The following ZNF282 variants were observed in gnomAD, a reference collection of about 807,000 sequenced individuals.
ZNF282 encodes HTLV-I U5 repressive element-binding protein 1.
In ZNF282, 30 loss-of-function variants were observed where a neutral mutation model predicts 61.9. That is an observed-to-expected ratio of 0.48 (90% CI 0.36 to 0.66). The LOEUF (loss-of-function observed/expected upper bound fraction) is 0.66. Ranked by LOEUF, ZNF282 falls within the 30% of genes least tolerant of loss-of-function variation. ZNF282 has a pLI of 0.00. For missense variants in ZNF282, 788 were observed against 941.4 expected (o/e 0.84, Z 2.13); for synonymous variants, 396 against 405.0 (o/e 0.98, Z 0.27).
chr7:149,196,083 T>A (rs1292702431), intron 1 of ZNF282, among the ~76,000 whole-genome samples: 1 of 152,068 alleles, frequency 6.6e-6, no homozygotes, highest in Non-Finnish European at 1.5e-5. Flanking sequence ...GAGCCCCGGC[T>A]TGGGGCTCCC....
At chr7:149,212,529 T>A in intron 6 of ZNF282, 58 bp downstream of exon 6, 2 of 1,294,094 alleles carry the variant, frequency 1.5e-6, no homozygotes, top group Non-Finnish European at 2.2e-6. Context: ...AAAGGAATCA[T>A]TAAATTAATA....
Position 149,225,428 on chromosome 7 carries a change from A to C in ZNF282, c.*781A>C, listed in dbSNP as rs1796353310. ...CCTGGGAGCCGGGAACAGATTGGCT[A>C]CGGAACGCCCCAGGTTGTACATTCA... On this transcript the variant is annotated 3_prime_UTR_variant, in exon 8 of 8. Coordinates refer to ENST00000610704, the MANE Select transcript of ZNF282 (RefSeq NM_003575.4). The C allele has an allele frequency of 6.6e-6, 1 of 152,198 alleles. No homozygotes were observed. The highest frequency in any genetic ancestry group is 2.4e-5 in the African/African-American group (1 of 41,432). 9.4% of individuals were successfully genotyped at this position (152,198 alleles called of 1,614,324 possible).
At chr7:149,197,081 C>T (rs1186829561) in intron 1 of ZNF282, among the ~76,000 whole-genome samples, 6 of 152,224 alleles carry the variant, frequency 3.9e-5, no homozygotes, top group Admixed American at 2.0e-4. Flanking sequence ...GACACCAGGT[C>T]CCAGATGACC....
At chr7:149,207,286 C>T in intron 3 of ZNF282, 65 bp from the exon 4 acceptor site, 1 of 1,540,220 alleles carries the variant, frequency 6.5e-7, no homozygotes, top group Admixed American at 1.9e-5. Context: ...AGAGTTCTCC[C>T]TTCCCCTTGC....
intron 2 of ZNF282, among the ~76,000 whole-genome samples, chr7:149,200,183 C>T (rs958645677): frequency 7.2e-5 from 11 of 152,308 alleles, no homozygotes; most frequent in South Asian, 4.1e-4. Flanking sequence ...CCACTGATTA[C>T]GTCCCCTGTG....
intron 1 of ZNF282, 22 bp downstream of exon 1, chr7:149,195,776 CAT>C: frequency 6.8e-7 from 1 of 1,474,468 alleles, no homozygotes; most frequent in Non-Finnish European, 9.0e-7. Context: ...CCGCCGGCGC[CAT>C]GGCCGCGCTG....
At position 149,212,461 on chromosome 7, in the gene ZNF282, T is replaced by A; in HGVS notation, c.1056T>A (p.Asp352Glu). 6.2e-7 allele frequency: 1 copy of A among 1,611,680 alleles called. No individual in the cohort carries two copies. Among genetic ancestry groups the A allele is most frequent in the Non-Finnish European group, 8.5e-7 (1 of 1,178,734 alleles). Reference sequence around the variant, plus strand: ...TGGCAGACAGAGATATTCCCACGGATCCCAATTCAGGTGAGAACAAGGTCA... The same window carrying A: ...TGGCAGACAGAGATATTCCCACGGAACCCAATTCAGGTGAGAACAAGGTCA... ...QDLADRDIPTDPNSESLISAH... is the reference protein window; with the variant it reads ...QDLADRDIPTEPNSESLISAH... The change falls in exon 6 of 8, where the codon GAT (aspartate) becomes GAA (glutamate). Residue 352 changes from aspartate to glutamate, a missense_variant. This residue lies in a region of ZNF282 where 559 missense variants were observed against 642.0 expected (regional missense o/e 0.87). Coordinates refer to ENST00000610704, the MANE Select transcript of ZNF282 (RefSeq NM_003575.4).
Position 149,224,114 on chromosome 7 carries a change from G to A in ZNF282, c.1483G>A (p.Gly495Ser), listed in dbSNP as rs764490886. 1.1e-4 allele frequency: 160 copies of A among 1,435,966 alleles called. No homozygotes were observed. In the African/African-American group the frequency reaches 2.1e-3, roughly 19 times the overall value. The allele number at this position is 1,435,966 out of a possible 1,614,324, so 89.0% of individuals were successfully genotyped here. ...GGAGGCGGGGACGGGGGCAGGCGGC[G>A]GCTGTGGCAGCTGCTGCCCTGGCGG... ...GAEAGTGAGG[G>S]CGSCCPGGLR... Residue 495 changes from glycine (G) to serine (S), a missense_variant, in exon 8 of 8, where the codon GGC (glycine) becomes AGC (serine). Gly to Ser is a moderately conservative substitution (Grantham distance 56). Around this residue, in one of 3 missense-constraint regions of ZNF282, gnomAD observed 559 missense variants for 642.0 expected, o/e 0.87. Coordinates refer to ENST00000610704, the MANE Select transcript of ZNF282 (RefSeq NM_003575.4).
intron 7 of ZNF282, among the ~76,000 whole-genome samples, chr7:149,214,668 C>T (rs1796135880): frequency 6.6e-6 from 1 of 151,932 alleles, no homozygotes. Flanking sequence ...ACAGGGTCTA[C>T]AAAAAAATTA....
intron 2 of ZNF282, among the ~76,000 whole-genome samples, chr7:149,205,306 C>T (rs1370049909): frequency 2.0e-5 from 3 of 152,020 alleles, no homozygotes; most frequent in Non-Finnish European, 2.9e-5. Flanking sequence ...GGCGTGGTGG[C>T]AAGCGCCTGT....
rs575403064 is a variant in ZNF282 at position 149,223,689 on chromosome 7, C to T, written c.1181-123C>T. 87 of 1,091,756 alleles carry T rather than the reference C, an allele frequency of 8.0e-5. No homozygotes were observed. The African/African-American group carries it at 1.2e-3, about 16-fold the overall frequency. The allele number at this position is 1,091,756 out of a possible 1,614,324, so 67.6% of individuals were successfully genotyped here. The stretch of plus-strand genomic sequence containing the variant: ...GTAGATCGTGGCCCAGCACCTTGTG[C>T]AATCCCTCGTAGTTAGTGGAACTGA... On this transcript the variant is annotated intron_variant, in intron 7 of 7. Transcript: ENST00000610704.
chr7:149,207,411 C>A lies in ZNF282; in HGVS notation c.773C>A (p.Pro258His), dbSNP rs889324522. ...APVQAEPREE[P>H]CVWEQRHPEE... is the part of the protein sequence containing the mutation. ...GTCCAGGCTGAGCCCAGGGAAGAACCTTGTGTGTGGGAGCAGCGCCACCCC... is the reference window on the plus strand; with the variant it reads ...GTCCAGGCTGAGCCCAGGGAAGAACATTGTGTGTGGGAGCAGCGCCACCCC... The change falls in exon 4 of 8, where the codon CCT becomes CAT. Residue 258 changes from proline to histidine, a missense_variant. Around this residue, in one of 3 missense-constraint regions of ZNF282, gnomAD observed 559 missense variants for 642.0 expected, o/e 0.87. Coordinates refer to ENST00000610704, the MANE Select transcript of ZNF282 (RefSeq NM_003575.4). 6 of 1,576,272 alleles carry A rather than the reference C, an allele frequency of 3.8e-6. 1 individual carries two copies. The Admixed American group carries it at 1.1e-4, about 29-fold the overall frequency.
chr7:149,221,818 G>A (rs772796546), intron 7 of ZNF282, among the ~76,000 whole-genome samples: 6 of 152,116 alleles, frequency 3.9e-5, no homozygotes, highest in Admixed American at 1.3e-4. Context: ...AAACACCAAC[G>A]AATATAGGAG....
intron 7 of ZNF282, among the ~76,000 whole-genome samples, chr7:149,221,437 CG>C (rs1230855258): frequency 2.0e-5 from 3 of 152,186 alleles, no homozygotes; most frequent in Non-Finnish European, 4.4e-5. Flanking sequence ...GGTTGGAAGA[CG>C]GTCAGAGTAG....
intron 2 of ZNF282, among the ~76,000 whole-genome samples, chr7:149,200,637 C>G (rs1795893707): frequency 6.6e-6 from 1 of 152,016 alleles, no homozygotes; most frequent in African/African-American, 2.4e-5. Context: ...GCTCTGTTGC[C>G]CAGACTGGAG....
chr7:149,224,950 C>A lies in ZNF282; in HGVS notation c.*303C>A. On this transcript the variant is annotated 3_prime_UTR_variant, in exon 8 of 8. Coordinates refer to ENST00000610704, the MANE Select transcript of ZNF282 (RefSeq NM_003575.4). The stretch of plus-strand genomic sequence containing the variant: ...CTGGGACCACTGGGCCACAGATGGT[C>A]ATCAGGGGAAGCCACCAGGGAGTCC... 1 of 398,866 alleles carries A rather than the reference C, an allele frequency of 2.5e-6. No homozygotes were observed. Among genetic ancestry groups the A allele is most frequent in the Non-Finnish European group, 4.5e-6 (1 of 221,778 alleles). 24.7% of individuals were successfully genotyped at this position (398,866 alleles called of 1,614,324 possible).
At chr7:149,214,765 C>A (rs933846737) in intron 7 of ZNF282, among the ~76,000 whole-genome samples, 1 of 152,120 alleles carries the variant, frequency 6.6e-6, no homozygotes, top group Non-Finnish European at 1.5e-5. Flanking sequence ...CCTGGGAGGT[C>A]ATGGCTGCAA....
At chr7:149,197,085 G>A (rs753761845) in intron 1 of ZNF282, among the ~76,000 whole-genome samples, 3 of 152,252 alleles carry the variant, frequency 2.0e-5, no homozygotes, top group Admixed American at 1.3e-4. Context: ...CCAGGTCCCA[G>A]ATGACCAGTG....
chr7:149,212,737 C>A (rs1796107671), intron 6 of ZNF282, among the ~76,000 whole-genome samples: 1 of 152,142 alleles, frequency 6.6e-6, no homozygotes, highest in African/African-American at 2.4e-5. Context: ...TGTGCCACCA[C>A]ACCTGGCTCA....
Sources: allele counts gnomAD v4.1 joint callset (sites outside exome capture counted in the v4.1 genomes callset), GRCh38; gene constraint gnomAD v4.1.1; regional missense constraint gnomAD v4.1.1; transcripts MANE v1.5; gene names NCBI Gene and HGNC (gene_info 2026-07-23, HGNC 2026-07-21).